PDE4B: variants seen among roughly 807,000 people sequenced by gnomAD.
PDE4B encodes the protein 3',5'-cyclic-AMP phosphodiesterase 4B.
In PDE4B, 20 loss-of-function variants were observed where a neutral mutation model predicts 82.2. That is an observed-to-expected ratio of 0.24 (90% CI 0.17 to 0.35). The LOEUF is 0.35. PDE4B is among the 10% of genes least tolerant of loss of function. PDE4B has a pLI of 1.00. For synonymous variants in PDE4B, 320 were observed against 318.9 expected (o/e 1.00, Z -0.04); for missense variants, 655 against 907.2 (o/e 0.72, Z 3.57).
intron 3 of PDE4B, among the ~76,000 whole-genome samples, chr1:66,080,588 A>G (rs1452151672): frequency 6.6e-6 from 1 of 152,152 alleles, no homozygotes; most frequent in African/African-American, 2.4e-5. Context: ...ACAAAGTGGG[A>G]AAAGCATGTC....
At chr1:66,136,352 G>A (rs1265573156) in intron 3 of PDE4B, among the ~76,000 whole-genome samples, 1 of 152,184 alleles carries the variant, frequency 6.6e-6, no homozygotes, top group Non-Finnish European at 1.5e-5. Context: ...TCAATTAGAA[G>A]TGGTAATTGA....
At chr1:65,970,071 A>C (rs1487678697) in intron 3 of PDE4B, among the ~76,000 whole-genome samples, 1 of 151,952 alleles carries the variant, frequency 6.6e-6, no homozygotes, top group Non-Finnish European at 1.5e-5. Context: ...TATTATTTTT[A>C]TATTTATTAA....
chr1:65,948,449 A>G (rs1648824925), intron 3 of PDE4B, among the ~76,000 whole-genome samples: 1 of 152,004 alleles, frequency 6.6e-6, no homozygotes, highest in South Asian at 2.1e-4. Context: ...CTGATGTTCA[A>G]GGGCAGGAAG....
At chr1:66,240,730 T>A (rs1652827870) in intron 3 of PDE4B, among the ~76,000 whole-genome samples, 1 of 152,212 alleles carries the variant, frequency 6.6e-6, no homozygotes, top group African/African-American at 2.4e-5. Flanking sequence ...TAAATATTTG[T>A]TGAGTAAATG....
At chr1:66,295,457 G>A (rs978800627) in intron 7 of PDE4B, among the ~76,000 whole-genome samples, 5 of 151,524 alleles carry the variant, frequency 3.3e-5, no homozygotes, top group African/African-American at 1.2e-4. Context: ...TTTGTTTTCT[G>A]ACGGAGTCTC....
intron 3 of PDE4B, among the ~76,000 whole-genome samples, chr1:65,929,414 C>T (rs1273888534): frequency 6.6e-6 from 1 of 152,192 alleles, no homozygotes; most frequent in Admixed American, 6.5e-5. Flanking sequence ...TTCCAAGTTG[C>T]AGGGTCCCAT....
At chr1:65,997,760 C>T (rs967365382) in intron 3 of PDE4B, among the ~76,000 whole-genome samples, 9 of 152,144 alleles carry the variant, frequency 5.9e-5, no homozygotes, top group Admixed American at 3.3e-4. Flanking sequence ...TGAGAAAAAG[C>T]CCTTGTCTTC....
intron 3 of PDE4B, among the ~76,000 whole-genome samples, chr1:66,116,561 A>AC (rs980357032): frequency 1.5e-4 from 23 of 151,074 alleles, no homozygotes; most frequent in Admixed American, 7.9e-4. Context: ...CAGTATAAAG[A>AC]CCCCCCCAGC....
intron 3 of PDE4B, among the ~76,000 whole-genome samples, chr1:66,124,998 CT>C (rs1645792537): frequency 2.0e-5 from 3 of 151,326 alleles, no homozygotes; most frequent in African/African-American, 7.3e-5. Flanking sequence ...GCACCCTGAG[CT>C]GCCAGGATAG....
intron 3 of PDE4B, among the ~76,000 whole-genome samples, chr1:66,243,022 AG>A (rs940771000): frequency 1.3e-5 from 2 of 152,262 alleles, no homozygotes; most frequent in African/African-American, 4.8e-5. Flanking sequence ...AGCTGGTATA[AG>A]AAGGCTTTTC....
intron 3 of PDE4B, among the ~76,000 whole-genome samples, chr1:65,932,319 T>C (rs1386036693): frequency 6.6e-6 from 1 of 152,040 alleles, no homozygotes; most frequent in Non-Finnish European, 1.5e-5. Flanking sequence ...ATGATTCAAC[T>C]TTTCTGGGGG....
chr1:65,935,645 T>G (rs1218858328), intron 3 of PDE4B, among the ~76,000 whole-genome samples: 1 of 152,188 alleles, frequency 6.6e-6, no homozygotes, highest in East Asian at 1.9e-4. Flanking sequence ...AATACTTAGT[T>G]TAAAACACAA....
chr1:66,296,713 G>T (rs913112391), intron 7 of PDE4B, among the ~76,000 whole-genome samples: 1 of 152,118 alleles, frequency 6.6e-6, no homozygotes, highest in Admixed American at 6.6e-5. Flanking sequence ...TAGAAGAGAG[G>T]CTGGCGCATA....
chr1:66,261,328 A>G lies in PDE4B; in HGVS notation c.584+3465A>G, dbSNP rs367860695. Among the ~76,000 whole-genome samples, 18 of 152,274 alleles carry G rather than the reference A, an allele frequency of 1.2e-4. No individual in the cohort carries two copies. In the East Asian group the frequency reaches 1.9e-3, roughly 16 times the overall value. On this transcript the variant is annotated intron_variant, in intron 6 of 16. Coordinates refer to ENST00000341517, the MANE Select transcript of PDE4B (RefSeq NM_002600.4). ...ATAATGTTTGGCAGGAATGGATACA[A>G]CATACAGAAAGCATACCCCCACCCG...
chr1:66,373,658 A>G lies in PDE4B; in HGVS notation c.*980A>G, dbSNP rs4655837. ...TTTATAACCGTGTATTTATTACTTA[A>G]TGTATATAATGTAATGTTTTGTAAG... On this transcript the variant is annotated 3_prime_UTR_variant, in exon 17 of 17. Coordinates refer to ENST00000341517, the MANE Select transcript of PDE4B (RefSeq NM_002600.4). 12,088 of 152,622 alleles carry G rather than the reference A, an allele frequency of 0.079. 517 individuals carry two copies. The highest frequency in any genetic ancestry group is 0.13 in the Middle Eastern group (37 of 294). 9.5% of individuals were successfully genotyped at this position (152,622 alleles called of 1,614,324 possible).
intron 1 of PDE4B, among the ~76,000 whole-genome samples, chr1:65,849,199 T>C (rs1277213354): frequency 6.6e-6 from 1 of 152,028 alleles, no homozygotes; most frequent in Non-Finnish European, 1.5e-5. Flanking sequence ...CCTTCAGAAG[T>C]GCAAGGGGTA....
intron 3 of PDE4B, among the ~76,000 whole-genome samples, chr1:66,158,743 G>A (rs1284623543): frequency 1.3e-5 from 2 of 152,082 alleles, no homozygotes; most frequent in South Asian, 2.1e-4. Context: ...TATACACAAC[G>A]GAATACTATC....
At chr1:66,125,053 AT>A (rs769935733) in intron 3 of PDE4B, among the ~76,000 whole-genome samples, 417 of 132,008 alleles carry the variant, frequency 3.2e-3, no homozygotes, top group African/African-American at 5.2e-3. Context: ...TTACCTTACT[AT>A]TTTTTTTTTT....
intron 3 of PDE4B, among the ~76,000 whole-genome samples, chr1:65,974,043 C>T (rs565245509): frequency 6.6e-6 from 1 of 151,878 alleles, no homozygotes; most frequent in South Asian, 2.1e-4. Context: ...GAGCTTCTGA[C>T]CTCAGGTGGT....
Sources: gnomAD v4.1 joint callset for allele counts (sites outside exome capture counted in the v4.1 genomes callset) on GRCh38, gnomAD v4.1.1 for gene constraint, MANE v1.5 for transcripts, NCBI Gene and HGNC (gene_info 2026-07-23, HGNC 2026-07-21) for gene names.